The following AVEN variants were observed in gnomAD, a reference collection of about 807,000 sequenced individuals.
AVEN encodes cell death regulator Aven.
In AVEN, 41 loss-of-function variants were observed where a neutral mutation model predicts 38.1. That is an observed-to-expected ratio of 1.08 (90% confidence interval 0.84 to 1.40). The LOEUF (loss-of-function observed/expected upper bound fraction) is 1.40, where lower values mean the gene tolerates loss of function less well. AVEN is among the 40% of genes most tolerant of loss of function. The probability of loss-of-function intolerance (pLI) is 0.00; values close to 1 mark genes in which losing one functional copy is unlikely to be tolerated. For synonymous variants in AVEN, 206 were observed against 171.8 expected (o/e 1.20, Z -1.56); for missense variants, 605 against 438.8 (o/e 1.38, Z -3.38).
At chr15:33,884,927 T>G (rs754699671) in intron 2 of AVEN, among the ~76,000 whole-genome samples, 1 of 152,230 alleles carries the variant, frequency 6.6e-6, no homozygotes, top group African/African-American at 2.4e-5. Context: ...TTTGGATCTT[T>G]CAAATCATAT....
At chr15:33,886,306 A>C (rs1222338940) in intron 2 of AVEN, among the ~76,000 whole-genome samples, 1 of 151,926 alleles carries the variant, frequency 6.6e-6, no homozygotes, top group African/African-American at 2.4e-5. Context: ...ACAAGATTTG[A>C]TGGTTTTTTG....
chr15:33,983,128 CTG>C (rs373285133), intron 2 of AVEN, among the ~76,000 whole-genome samples: 11,469 of 134,954 alleles, frequency 0.085, 573 homozygotes, highest in Admixed American at 0.19. Context: ...TGTCCATACT[CTG>C]TGTGTGTGTG....
chr15:34,054,404 A>G (rs936085996), intron 5 of AVEN, among the ~76,000 whole-genome samples: 4 of 152,226 alleles, frequency 2.6e-5, no homozygotes, highest in Admixed American at 2.0e-4. Context: ...CACTATCCAC[A>G]ATAGCAAAGA....
intron 5 of AVEN, among the ~76,000 whole-genome samples, chr15:34,055,432 G>T (rs1028317061): frequency 1.3e-5 from 2 of 152,014 alleles, no homozygotes; most frequent in Non-Finnish European, 2.9e-5. Context: ...CTGGATCCGG[G>T]AGGAAGAGGT....
rs1315596219 is a variant in AVEN at position 33,859,235 on chromosome 15, G to C, written n.2730-141C>G. ...GTTTATAGCACAGCCTGAAGGCCAGGCTAACACTCTTAAAATTAAATGAGG... is the reference window on the plus strand; with the variant it reads ...GTTTATAGCACAGCCTGAAGGCCAGCCTAACACTCTTAAAATTAAATGAGG... On this transcript the variant is annotated intron_variant and non_coding_transcript_variant, in intron 11 of 11. Coordinates refer to the AVEN transcript ENST00000675287. 1.7e-5 allele frequency: 4 copies of C among 236,162 alleles called. No individual in the cohort carries two copies. In the East Asian group the frequency reaches 2.6e-4, roughly 16 times the overall value. 14.6% of individuals were successfully genotyped at this position (236,162 alleles called of 1,614,324 possible). A position where few individuals can be genotyped will look rare whatever the true frequency, so the allele number is the denominator to read the frequency against.
Position 34,003,245 on chromosome 15 carries a change from T to A in AVEN, c.268-36A>T, listed in dbSNP as rs775644367. The A allele has an allele frequency of 6.9e-6, 11 of 1,603,394 alleles. No individual in the cohort carries two copies. In the Admixed American group the frequency reaches 1.0e-4, roughly 15 times the overall value. ...TAGAGACAAATCAATAAGTAAGCAG[T>A]GGAAATCCTGACCTTAGTAGACTTC... On this transcript the variant is annotated intron_variant, in intron 1 of 5. Coordinates refer to ENST00000306730, the MANE Select transcript of AVEN (RefSeq NM_020371.3).
chr15:34,050,486 A>G (rs1899893908), intron 5 of AVEN, among the ~76,000 whole-genome samples: 1 of 152,192 alleles, frequency 6.6e-6, no homozygotes, highest in South Asian at 2.1e-4. Flanking sequence ...GACAGGATCA[A>G]ATTCACACAT....
Position 34,063,063 on chromosome 15 carries a change from G to A in AVEN, n.1496C>T, listed in dbSNP as rs1211891263. 10 of 1,614,052 alleles carry A rather than the reference G, an allele frequency of 6.2e-6. No homozygotes were observed. In the East Asian group the frequency reaches 8.9e-5, roughly 14 times the overall value. On this transcript the variant is annotated non_coding_transcript_exon_variant, in exon 5 of 12. Coordinates refer to the AVEN transcript ENST00000675287. This position sits in a 1 kb window ranked among gnomAD's most constrained non-coding sequence, Gnocchi z 4.1. ...TGCACTGGACTACGTGGCCAGCAAC[G>A]CTTCTGTCATGAACCTTCTGGTGAT... is the stretch of plus-strand genomic sequence containing the variant.
downstream of AVEN, among the ~76,000 whole-genome samples, chr15:33,861,495 T>G (rs1329641705): frequency 2.0e-5 from 3 of 149,332 alleles, no homozygotes; most frequent in African/African-American, 7.3e-5. Flanking sequence ...TTTTTTTTAA[T>G]CCTAAACAAA....
intron 2 of AVEN, among the ~76,000 whole-genome samples, chr15:33,950,765 G>A (rs540407198): frequency 6.6e-6 from 1 of 152,298 alleles, no homozygotes; most frequent in East Asian, 1.9e-4. Context: ...CAGCACTTTG[G>A]GAGGCCAAGG....
chr15:34,029,268 A>C (rs1025026413), intron 1 of AVEN, among the ~76,000 whole-genome samples: 2 of 152,192 alleles, frequency 1.3e-5, no homozygotes, highest in African/African-American at 2.4e-5. Flanking sequence ...AAAACAATTC[A>C]ACATGTATGT....
At chr15:33,852,227 C>T in the AVEN span, 1 of 152,158 alleles carries the variant, frequency 6.6e-6, no homozygotes, top group African/African-American at 2.4e-5. Flanking sequence ...TCCTAGGCTG[C>T]AATCCAGTCT....
intron 2 of AVEN, among the ~76,000 whole-genome samples, chr15:33,983,128 CTGTGTGTGTGTGTGTGTG>C (rs373285133): frequency 7.4e-6 from 1 of 135,266 alleles, no homozygotes; most frequent in Non-Finnish European, 1.6e-5. Context: ...TGTCCATACT[CTGTGTGTGTGTGTGTGTG>C]TGTGTGTGTG....
At chr15:34,073,949 A>AG (rs1567498474) in intron 1 of AVEN, among the ~76,000 whole-genome samples, 2 of 150,362 alleles carry the variant, frequency 1.3e-5, no homozygotes, top group Non-Finnish European at 3.0e-5. Flanking sequence ...TTGAGAAAAA[A>AG]CAATTACTGT....
chr15:33,921,972 TAAAG>T, intron 2 of AVEN, among the ~76,000 whole-genome samples: 1 of 152,110 alleles, frequency 6.6e-6, no homozygotes, highest in African/African-American at 2.4e-5. Context: ...TCCTAGTAAA[TAAAG>T]AAAGGAGGTA....
chr15:33,983,170 G>GTGTA (rs796742277), intron 2 of AVEN, among the ~76,000 whole-genome samples: 5 of 126,606 alleles, frequency 3.9e-5, no homozygotes, highest in South Asian at 2.6e-4. Context: ...ATGTGTGTGT[G>GTGTA]TATATATACA....
Position 33,867,478 on chromosome 15 carries a change from T to A in AVEN, c.973+17A>T, listed in dbSNP as rs770798507. On this transcript the variant is annotated intron_variant, in intron 5 of 5. Transcript: ENST00000306730. ...CACCAGAATCAAGATTCACGGGGAA[T>A]AAAATGAAAGCCATACCTTCTTCCT... 6 of 1,546,338 alleles carry A rather than the reference T, an allele frequency of 3.9e-6. No individual in the cohort carries two copies. The highest frequency in any genetic ancestry group is 5.2e-6 in the Non-Finnish European group (6 of 1,150,884).
At chr15:33,959,457 C>G (rs1597275196) in intron 2 of AVEN, among the ~76,000 whole-genome samples, 1 of 152,228 alleles carries the variant, frequency 6.6e-6, no homozygotes, top group South Asian at 2.1e-4. Flanking sequence ...CCCTTAATGC[C>G]TCTTTAACCT....
intron 2 of AVEN, among the ~76,000 whole-genome samples, chr15:33,929,806 T>C (rs1249274172): frequency 6.6e-6 from 1 of 152,142 alleles, no homozygotes; most frequent in East Asian, 1.9e-4. Flanking sequence ...TGTCCCTAAA[T>C]ACACATTGAA....
Sources: allele counts gnomAD v4.1 joint callset (sites outside exome capture counted in the v4.1 genomes callset), GRCh38; gene constraint gnomAD v4.1.1; non-coding constraint Gnocchi (gnomAD v3.1); transcripts MANE v1.5; gene names NCBI Gene and HGNC (gene_info 2026-07-23, HGNC 2026-07-21).